Variants in PLXNA4 observed in about 807,000 individuals in gnomAD.
The protein encoded by PLXNA4 is plexin-A4.
A neutral mutation model predicts 191.8 loss-of-function variants in PLXNA4; 44 were observed. The ratio of observed to expected loss-of-function variants is 0.23; its 90% CI spans 0.18 to 0.29. The LOEUF is 0.29. PLXNA4 is among the 10% of genes least tolerant of loss of function. PLXNA4 has a pLI of 1.00. For missense variants in PLXNA4, 1,800 were observed against 2,488.8 expected (o/e 0.72, Z 5.89); for synonymous variants, 1,082 against 1,009.5 (o/e 1.07, Z -1.36).
chr7:132,443,559 G>T (rs949055374), intron 3 of PLXNA4, among the ~76,000 whole-genome samples: 1 of 152,092 alleles, frequency 6.6e-6, no homozygotes, highest in Non-Finnish European at 1.5e-5. Context: ...CCATTTCCTG[G>T]CACGTGCTCA....
At chr7:132,227,300 C>T in intron 7 of PLXNA4, 151 bp downstream of exon 7, 1 of 1,064,924 alleles carries the variant, frequency 9.4e-7, no homozygotes. Flanking sequence ...ATCCCATCCC[C>T]CTCTTCCCAT....
At chr7:132,220,230 A>G (rs924857106) in intron 9 of PLXNA4, among the ~76,000 whole-genome samples, 1 of 152,194 alleles carries the variant, frequency 6.6e-6, no homozygotes, top group Non-Finnish European at 1.5e-5. Context: ...TAGTCCACAC[A>G]TACTTCTTTA....
intron 4 of PLXNA4, among the ~76,000 whole-genome samples, chr7:132,281,115 G>A (rs1800462953): frequency 6.6e-6 from 1 of 152,112 alleles, no homozygotes; most frequent in South Asian, 2.1e-4. Context: ...TAAGAGTGAT[G>A]TGCTAGAATT....
chr7:132,640,406 CTG>C (rs1467490319), intron 2 of PLXNA4, among the ~76,000 whole-genome samples: 1 of 152,172 alleles, frequency 6.6e-6, no homozygotes, highest in African/African-American at 2.4e-5. Flanking sequence ...CCCAATGTGA[CTG>C]TATTTGGAGA....
chr7:132,298,868 C>G (rs1463252322), intron 3 of PLXNA4, among the ~76,000 whole-genome samples: 1 of 152,234 alleles, frequency 6.6e-6, no homozygotes. Context: ...CATGAGTCAT[C>G]CACAACCTTC....
chr7:132,306,747 CAT>C (rs1200585002), intron 3 of PLXNA4, among the ~76,000 whole-genome samples: 6 of 152,152 alleles, frequency 3.9e-5, no homozygotes, highest in Non-Finnish European at 5.9e-5. Flanking sequence ...CACTCACAGA[CAT>C]GTGTGCACAC....
intron 9 of PLXNA4, among the ~76,000 whole-genome samples, chr7:132,218,982 G>A (rs1038481301): frequency 6.6e-6 from 1 of 151,916 alleles, no homozygotes; most frequent in Non-Finnish European, 1.5e-5. Flanking sequence ...AAAAAAAAAA[G>A]GTAATTCAAT....
intron 1 of PLXNA4, among the ~76,000 whole-genome samples, chr7:132,574,407 G>A (rs552683492): frequency 6.6e-6 from 1 of 152,348 alleles, no homozygotes; most frequent in East Asian, 1.9e-4. Context: ...GGTGGGATCT[G>A]CCTGTCCACG....
At chr7:132,324,588 C>T (rs1284140088) in intron 3 of PLXNA4, among the ~76,000 whole-genome samples, 3 of 152,158 alleles carry the variant, frequency 2.0e-5, no homozygotes, top group East Asian at 1.9e-4. Flanking sequence ...CTGAGATACC[C>T]AAGATTTATT....
At chr7:132,452,857 C>T (rs1192977609) in intron 3 of PLXNA4, among the ~76,000 whole-genome samples, 1 of 152,172 alleles carries the variant, frequency 6.6e-6, no homozygotes, top group African/African-American at 2.4e-5. Flanking sequence ...CTTGGGTCAC[C>T]ACACACCAAT....
chr7:132,190,399 G>C (rs925385364), intron 14 of PLXNA4, among the ~76,000 whole-genome samples: 4 of 152,170 alleles, frequency 2.6e-5, no homozygotes, highest in African/African-American at 9.7e-5. Context: ...TGAGTGCATT[G>C]GTACATGGGA....
intron 30 of PLXNA4, among the ~76,000 whole-genome samples, chr7:132,133,582 C>T (rs894605428): frequency 6.6e-6 from 1 of 152,092 alleles, no homozygotes; most frequent in South Asian, 2.1e-4. Flanking sequence ...TCTCCTCCAG[C>T]AGGGCCCGAA....
chr7:132,565,682 C>T (rs956927483), intron 1 of PLXNA4, among the ~76,000 whole-genome samples: 23 of 152,170 alleles, frequency 1.5e-4, no homozygotes, highest in African/African-American at 5.1e-4. Context: ...AATAGTCCCC[C>T]GTGGGCCTGA....
intron 3 of PLXNA4, among the ~76,000 whole-genome samples, chr7:132,357,447 C>T (rs1406913417): frequency 1.3e-5 from 2 of 152,202 alleles, no homozygotes; most frequent in South Asian, 2.1e-4. Context: ...ACATTCTCAG[C>T]CAAATGAGAG....
intron 5 of PLXNA4, 139 bp from the exon 6 acceptor site, chr7:132,228,608 T>TTCCTCAAGCCTGGTCC: frequency 8.9e-7 from 1 of 1,128,438 alleles, no homozygotes; most frequent in Non-Finnish European, 1.2e-6. Flanking sequence ...TTTTGTGTCC[T>TTCCTCAAGCCTGGTCC]TCCTCAAGCC....
intron 2 of PLXNA4, among the ~76,000 whole-genome samples, chr7:132,621,041 A>G: frequency 6.6e-6 from 1 of 151,998 alleles, no homozygotes; most frequent in South Asian, 2.1e-4. Flanking sequence ...TGAGGGCTCC[A>G]CTCTCATGAG....
At chr7:132,150,369 C>G (rs1795560582) in intron 25 of PLXNA4, among the ~76,000 whole-genome samples, 1 of 152,172 alleles carries the variant, frequency 6.6e-6, no homozygotes, top group African/African-American at 2.4e-5. Context: ...TCCAAGCTGG[C>G]CAGACAGCTG....
intron 2 of PLXNA4, among the ~76,000 whole-genome samples, chr7:132,504,550 C>T (rs1798381127): frequency 6.6e-6 from 1 of 152,190 alleles, no homozygotes; most frequent in African/African-American, 2.4e-5. Context: ...ACATTCATTG[C>T]TACTCAAATC....
chr7:132,558,931 G>A (rs1273727063), intron 1 of PLXNA4, among the ~76,000 whole-genome samples: 2 of 152,014 alleles, frequency 1.3e-5, no homozygotes, highest in South Asian at 2.1e-4. Context: ...CCTTGGAGAG[G>A]GCTCAGCTCA....
Sources: allele counts gnomAD v4.1 joint callset (sites outside exome capture counted in the v4.1 genomes callset), GRCh38; gene constraint gnomAD v4.1.1; transcripts MANE v1.5; gene names NCBI Gene and HGNC (gene_info 2026-07-23, HGNC 2026-07-21).